Variants in PRR5 observed in about 807,000 individuals in gnomAD.
PRR5 encodes proline rich 5, also known as proline-rich protein 5.
Under a neutral mutation model 30.6 loss-of-function variants are expected in PRR5, and 25 were observed. The observed-to-expected ratio is 0.82, with a 90% CI of 0.60 to 1.14. The LOEUF (loss-of-function observed/expected upper bound fraction) is 1.14. PRR5 is among the 50% of genes most tolerant of loss of function. PRR5 has a pLI of 0.00. For missense variants in PRR5, 600 were observed against 547.1 expected, an observed-to-expected ratio of 1.10 and a Z score of -0.96; for synonymous variants, 286 against 247.1, an observed-to-expected ratio of 1.16 and a Z score of -1.48.
intron 6 of PRR5, among the ~76,000 whole-genome samples, chr22:44,732,678 TACAC>T (rs1333679373): frequency 6.6e-6 from 1 of 151,974 alleles, no homozygotes; most frequent in Non-Finnish European, 1.5e-5. Context: ...CACACGCACA[TACAC>T]ACTACACACA....
At chr22:44,668,937 T>TGTGCGCGCGTAG (rs1325672794) in intron 1 of PRR5, 2 of 148,816 alleles carry the variant, frequency 1.3e-5, no homozygotes, top group Non-Finnish European at 3.0e-5. Flanking sequence ...CGCGCGTGTG[T>TGTGCGCGCGTAG]GTGCGCGCGT....
chr22:44,696,754 T>TATTTATTTATTG (rs397801311), intron 1 of PRR5, among the ~76,000 whole-genome samples: 73 of 152,122 alleles, frequency 4.8e-4, no homozygotes, highest in African/African-American at 1.5e-3. Flanking sequence ...TTTATTTATT[T>TATTTATTTATTG]GAGATGCAGT....
chr22:44,699,043 T>G (rs752255706), upstream of PRR5, among the ~76,000 whole-genome samples: 1 of 152,208 alleles, frequency 6.6e-6, no homozygotes, highest in Non-Finnish European at 1.5e-5. Flanking sequence ...AGACAGATTT[T>G]ACACATCTGT....
chr22:44,701,090 C>T (rs966105032), upstream of PRR5, among the ~76,000 whole-genome samples: 1 of 152,154 alleles, frequency 6.6e-6, no homozygotes, highest in Non-Finnish European at 1.5e-5. Context: ...CCATGTTGGC[C>T]GGGCTGGTCT....
chr22:44,728,007 G>A (rs1172857686), intron 4 of PRR5, among the ~76,000 whole-genome samples: 3 of 152,212 alleles, frequency 2.0e-5, no homozygotes, highest in African/African-American at 2.4e-5. Context: ...ACATTCTGGC[G>A]GTGCCTGTAC....
chr22:44,708,757 A>T (rs1455195952), intron 1 of PRR5, among the ~76,000 whole-genome samples: 1 of 152,116 alleles, frequency 6.6e-6, no homozygotes, highest in Non-Finnish European at 1.5e-5. Flanking sequence ...ATCTGAGGTC[A>T]GGAGTTCAAG....
chr22:44,733,497 G>C (rs1012303634), intron 6 of PRR5, among the ~76,000 whole-genome samples: 1 of 152,234 alleles, frequency 6.6e-6, no homozygotes, highest in Non-Finnish European at 1.5e-5. Flanking sequence ...GAGCAAGGAA[G>C]GGGCGGCCAG....
chr22:44,730,182 A>G (rs1602085538), intron 4 of PRR5: 1 of 985,392 alleles, frequency 1.0e-6, no homozygotes. Context: ...CAGGGCCCAG[A>G]GAGTGAGAAA....
intron 1 of PRR5, among the ~76,000 whole-genome samples, chr22:44,708,207 A>G (rs1229446047): frequency 1.3e-5 from 2 of 152,140 alleles, no homozygotes; most frequent in Non-Finnish European, 2.9e-5. Flanking sequence ...CTCAAAAAAC[A>G]ACAAACAAAA....
chr22:44,679,059 C>T (rs1474470329), intron 1 of PRR5, among the ~76,000 whole-genome samples: 3 of 152,264 alleles, frequency 2.0e-5, no homozygotes, highest in Admixed American at 6.5e-5. Context: ...CACTGGCCTC[C>T]AGGTCTGAGC....
intron 1 of PRR5, among the ~76,000 whole-genome samples, chr22:44,707,011 C>T (rs1384959001): frequency 6.6e-6 from 1 of 152,172 alleles, no homozygotes; most frequent in Admixed American, 6.5e-5. Context: ...GAGATGTGTC[C>T]CCATCGGGCT....
At chr22:44,677,554 C>T (rs532690836) in intron 1 of PRR5, among the ~76,000 whole-genome samples, 2 of 152,110 alleles carry the variant, frequency 1.3e-5, no homozygotes, top group South Asian at 2.1e-4. Context: ...TGGGGTGGGA[C>T]GAAGGGCAGG....
chr22:44,715,616 CAG>C (rs1239496564), intron 2 of PRR5, among the ~76,000 whole-genome samples: 6 of 152,046 alleles, frequency 3.9e-5, no homozygotes, highest in African/African-American at 1.4e-4. Flanking sequence ...CTTCAGGAAA[CAG>C]GAGCCTAAAG....
chr22:44,703,747 G>A (rs1187437521), intron 1 of PRR5, among the ~76,000 whole-genome samples: 1 of 152,192 alleles, frequency 6.6e-6, no homozygotes, highest in Admixed American at 6.5e-5. Context: ...ACCAGGCACG[G>A]CGGCTCACAC....
chr22:44,726,629 A>T lies in PRR5; in HGVS notation c.317A>T (p.Tyr106Phe). ...MVILRDKIRF[Y>F]EGQKLLDSLA... Reference sequence around the variant, plus strand: ...ATCCTTCGGGACAAGATTCGCTTCTATGAGGGTGAGTGTGGGCCCCTTGGC... The same window carrying T: ...ATCCTTCGGGACAAGATTCGCTTCTTTGAGGGTGAGTGTGGGCCCCTTGGC... Residue 106 changes from tyrosine to phenylalanine, a missense_variant, in exon 4 of 8, where the codon TAT becomes TTT. By Grantham distance (22) the Tyr-to-Phe change is conservative. Transcript: ENST00000336985. 1 of 1,614,040 alleles carries T rather than the reference A, an allele frequency of 6.2e-7. No homozygotes were observed. The highest frequency in any genetic ancestry group is 1.1e-5 in the South Asian group (1 of 91,080).
intron 6 of PRR5, 22 bp from the exon 7 acceptor site, chr22:44,735,005 C>A (rs967020219): frequency 1.2e-6 from 2 of 1,608,154 alleles, no homozygotes. Context: ...GACCCCCTAC[C>A]CCCTGCCCCA....
chr22:44,696,178 C>T (rs566402262), intron 1 of PRR5, among the ~76,000 whole-genome samples: 20 of 152,202 alleles, frequency 1.3e-4, no homozygotes, highest in Middle Eastern at 3.4e-3. Context: ...CCCGCCTCAG[C>T]CTCCCAAAGT....
At chr22:44,681,002 C>T (rs1382662646) in intron 1 of PRR5, among the ~76,000 whole-genome samples, 3 of 152,236 alleles carry the variant, frequency 2.0e-5, no homozygotes, top group African/African-American at 7.2e-5. Flanking sequence ...TCCAGGGCCA[C>T]GATTGTCTGC....
chr22:44,707,647 A>G (rs140209520), intron 1 of PRR5, among the ~76,000 whole-genome samples: 2 of 152,328 alleles, frequency 1.3e-5, no homozygotes, highest in Non-Finnish European at 2.9e-5. Flanking sequence ...ACGTGGGGGT[A>G]CCAAGCCCTC....
Sources: gnomAD v4.1 joint callset for allele counts (sites outside exome capture counted in the v4.1 genomes callset) on GRCh38, gnomAD v4.1.1 for gene constraint, MANE v1.5 for transcripts, NCBI Gene and HGNC (gene_info 2026-07-23, HGNC 2026-07-21) for gene names.